PID1: variants seen among roughly 807,000 people sequenced by gnomAD.
PID1 encodes the protein phosphotyrosine interaction domain containing 1, also known as PTB-containing, cubilin and LRP1-interacting protein.
A neutral mutation model predicts 19.1 loss-of-function variants in PID1; 10 were observed. That is an observed-to-expected ratio of 0.52 (90% CI 0.32 to 0.89). The LOEUF (loss-of-function observed/expected upper bound fraction) is 0.89, where lower values mean the gene tolerates loss of function less well. Ranked by LOEUF, PID1 falls within the 40% of genes least tolerant of loss-of-function variation. PID1 has a pLI of 0.03. For missense variants in PID1, 248 were observed against 285.3 expected, an observed-to-expected ratio of 0.87 and a Z score of 0.94; for synonymous variants, 130 against 116.0, an observed-to-expected ratio of 1.12 and a Z score of -0.78.
intron 1 of PID1, among the ~76,000 whole-genome samples, chr2:229,230,789 A>T (rs1023692917): frequency 1.3e-5 from 2 of 152,036 alleles, no homozygotes; most frequent in Non-Finnish European, 2.9e-5. Context: ...TATTTTATAC[A>T]CACACACACA....
At chr2:229,234,612 C>G (rs1164215825) in intron 1 of PID1, among the ~76,000 whole-genome samples, 2 of 152,096 alleles carry the variant, frequency 1.3e-5, no homozygotes, top group Non-Finnish European at 2.9e-5. Context: ...TCATTTTAAG[C>G]CAATAAATGT....
At chr2:229,199,460 T>C (rs1422964767) in intron 1 of PID1, among the ~76,000 whole-genome samples, 1 of 152,032 alleles carries the variant, frequency 6.6e-6, no homozygotes, top group African/African-American at 2.4e-5. Flanking sequence ...TTCTAGTACC[T>C]AGAGCAGTAT....
At chr2:229,167,990 T>C (rs1690637148) in intron 1 of PID1, among the ~76,000 whole-genome samples, 1 of 152,194 alleles carries the variant, frequency 6.6e-6, no homozygotes, top group Non-Finnish European at 1.5e-5. Context: ...ACTATTCCAG[T>C]GTAGACTAAG....
intron 2 of PID1, among the ~76,000 whole-genome samples, chr2:229,108,760 G>A (rs975459631): frequency 2.0e-5 from 3 of 152,146 alleles, no homozygotes; most frequent in African/African-American, 7.2e-5. Flanking sequence ...GGAGATCCCT[G>A]TTGTCTAAGG....
intron 2 of PID1, among the ~76,000 whole-genome samples, chr2:229,144,961 T>C (rs1286976514): frequency 1.3e-5 from 2 of 152,032 alleles, no homozygotes; most frequent in South Asian, 2.1e-4. Flanking sequence ...TCACCGTCTA[T>C]CTTGTTTAAT....
rs1691256277 is a variant in PID1, at chr2:229,191,311, G to A, written c.31-35347C>T. On this transcript the variant is annotated intron_variant, in intron 1 of 2. Coordinates refer to ENST00000392055, the MANE Select transcript of PID1 (RefSeq NM_001100818.2). ...TGTTCACAGGTATCAAATGAAGGCA[G>A]CCAGCAAGTCAGCCACGTGGCCCAG... Among the ~76,000 whole-genome samples, 2 of 152,172 alleles carry A rather than the reference G, an allele frequency of 1.3e-5. 1 individual carries two copies. Among genetic ancestry groups the A allele is most frequent in the South Asian group, 4.2e-4 (2 of 4,818 alleles).
chr2:229,127,304 A>C (rs1695642220), intron 2 of PID1, among the ~76,000 whole-genome samples: 1 of 152,108 alleles, frequency 6.6e-6, no homozygotes, highest in Admixed American at 6.5e-5. Flanking sequence ...GATTATTCCT[A>C]CTACATTTTT....
chr2:229,191,241 G>A (rs921696676), intron 1 of PID1, among the ~76,000 whole-genome samples: 8 of 152,110 alleles, frequency 5.3e-5, no homozygotes, highest in Admixed American at 5.2e-4. Flanking sequence ...CTTTTGGGAG[G>A]AGGGCAAATC....
intron 1 of PID1, among the ~76,000 whole-genome samples, chr2:229,199,536 A>G (rs1574714981): frequency 6.6e-6 from 1 of 152,034 alleles, no homozygotes; most frequent in African/African-American, 2.4e-5. Context: ...GAACAAAACT[A>G]TCTTTTTTCA....
chr2:229,238,945 T>G (rs971961941), intron 1 of PID1, among the ~76,000 whole-genome samples: 1 of 152,148 alleles, frequency 6.6e-6, no homozygotes, highest in Non-Finnish European at 1.5e-5. Flanking sequence ...ATATTACCAC[T>G]AATTATTGTT....
intron 1 of PID1, among the ~76,000 whole-genome samples, chr2:229,230,403 A>T (rs1396229224): frequency 6.6e-6 from 1 of 152,206 alleles, no homozygotes; most frequent in Non-Finnish European, 1.5e-5. Context: ...ATTCTTTGGT[A>T]AGTTTTGCAA....
At chr2:229,049,258 G>A (rs1047003121) in intron 2 of PID1, among the ~76,000 whole-genome samples, 1 of 151,976 alleles carries the variant, frequency 6.6e-6, no homozygotes, top group Non-Finnish European at 1.5e-5. Flanking sequence ...TTGATTGCTA[G>A]TAAGATTATA....
At chr2:229,208,213 G>A (rs1479210538) in intron 1 of PID1, among the ~76,000 whole-genome samples, 1 of 152,186 alleles carries the variant, frequency 6.6e-6, no homozygotes, top group Non-Finnish European at 1.5e-5. Flanking sequence ...TTGCAAAATA[G>A]AAGAGCAAGT....
At chr2:229,223,280 C>A (rs1559292218) in intron 1 of PID1, among the ~76,000 whole-genome samples, 2 of 152,166 alleles carry the variant, frequency 1.3e-5, no homozygotes, top group Admixed American at 1.3e-4. Flanking sequence ...AAAATGCTAT[C>A]TCATCATTAT....
At position 229,271,167 on chromosome 2, in the gene PID1, G is replaced by A; in HGVS notation, c.-124C>T. The A allele has an allele frequency of 9.0e-7, 1 of 1,108,430 alleles. No homozygotes were observed. Among genetic ancestry groups the A allele is most frequent in the Non-Finnish European group, 1.3e-6 (1 of 781,106 alleles). The allele number at this position is 1,108,430 out of a possible 1,614,324, so 68.7% of individuals were successfully genotyped here. A position where few individuals can be genotyped will look rare whatever the true frequency, so the allele number is the denominator to read the frequency against. On this transcript the variant is annotated 5_prime_UTR_variant, in exon 1 of 3. Coordinates refer to ENST00000392055, the MANE Select transcript of PID1 (RefSeq NM_001100818.2). ...TCCGCGGGATGTGCGTCCTGGCGCT[G>A]GCCACCGCCGCCGGGTGGGCGTAGG...
intron 2 of PID1, among the ~76,000 whole-genome samples, chr2:229,078,467 C>T (rs1694607622): frequency 6.6e-6 from 1 of 152,192 alleles, no homozygotes; most frequent in Admixed American, 6.5e-5. Flanking sequence ...GCATCCTCAC[C>T]TTGTGCGGGT....
chr2:229,239,157 T>C (rs554526107), intron 1 of PID1, among the ~76,000 whole-genome samples: 1 of 152,276 alleles, frequency 6.6e-6, no homozygotes, highest in South Asian at 2.1e-4. Flanking sequence ...GAAAGCTTGT[T>C]AAAGCACAGA....
At chr2:229,265,076 A>G (rs1321051975) in intron 1 of PID1, among the ~76,000 whole-genome samples, 1 of 152,244 alleles carries the variant, frequency 6.6e-6, no homozygotes, top group East Asian at 1.9e-4. Context: ...TACAAAACTG[A>G]AACATTGCTA....
At chr2:229,262,650 G>A (rs1288027655) in intron 1 of PID1, 2 of 1,548,700 alleles carry the variant, frequency 1.3e-6, no homozygotes, top group Non-Finnish European at 1.7e-6. Flanking sequence ...CATAAACTGG[G>A]TAGCTTAAAA....
Sources: gnomAD v4.1 joint callset for allele counts (sites outside exome capture counted in the v4.1 genomes callset) on GRCh38, gnomAD v4.1.1 for gene constraint, MANE v1.5 for transcripts, NCBI Gene and HGNC (gene_info 2026-07-23, HGNC 2026-07-21) for gene names.